ELMO1: variants seen among roughly 807,000 people sequenced by gnomAD.
The protein encoded by ELMO1 is engulfment and cell motility protein 1.
In ELMO1, 26 loss-of-function variants were observed where a neutral mutation model predicts 98.9. The ratio of observed to expected loss-of-function variants is 0.26; its 90% CI spans 0.19 to 0.36. The LOEUF (loss-of-function observed/expected upper bound fraction) is 0.36. ELMO1 is among the 10% of genes least tolerant of loss of function. ELMO1 has a pLI of 1.00. For synonymous variants in ELMO1, 346 were observed against 346.0 expected (o/e 1.00, Z 0.00); for missense variants, 627 against 935.2 (o/e 0.67, Z 4.30).
intron 6 of ELMO1, among the ~76,000 whole-genome samples, chr7:37,255,189 C>T (rs1035309016): frequency 6.6e-6 from 1 of 152,134 alleles, no homozygotes; most frequent in East Asian, 1.9e-4. Flanking sequence ...TAAGCCCTCT[C>T]AAGAGATGAT....
chr7:36,870,591 T>G lies in ELMO1; in HGVS notation c.1823-116A>C. On this transcript the variant is annotated intron_variant, in intron 19 of 21. Coordinates refer to ENST00000310758, the MANE Select transcript of ELMO1 (RefSeq NM_014800.11). The surrounding 1 kb of genome is among the most constrained non-coding windows in gnomAD (Gnocchi z 4.4). Reference sequence around the variant, plus strand: ...TGTGGTTACCATTCCCAGAAACTACTGCAAAAAGAAGAGTGTTGAAAAGAG... The same window carrying G: ...TGTGGTTACCATTCCCAGAAACTACGGCAAAAAGAAGAGTGTTGAAAAGAG... The G allele has an allele frequency of 1.1e-6, 1 of 946,972 alleles. No homozygotes were observed. The highest frequency in any genetic ancestry group is 1.7e-5 in the South Asian group (1 of 57,436). 58.7% of individuals were successfully genotyped at this position (946,972 alleles called of 1,614,324 possible).
At chr7:37,121,374 CA>C (rs2129288202) in intron 14 of ELMO1, among the ~76,000 whole-genome samples, 1 of 152,012 alleles carries the variant, frequency 6.6e-6, no homozygotes, top group African/African-American at 2.4e-5. Flanking sequence ...TTAAAAACCT[CA>C]AAAAAAGATT....
At chr7:37,180,737 T>A (rs1201816799) in intron 13 of ELMO1, among the ~76,000 whole-genome samples, 1 of 152,120 alleles carries the variant, frequency 6.6e-6, no homozygotes, top group African/African-American at 2.4e-5. Context: ...GTCTCCAGCA[T>A]GCTCTAAAGT....
At position 37,306,983 on chromosome 7, in the gene ELMO1, C is replaced by A. The variant is rs1200748810; in HGVS notation, c.192+7867G>T. 2.0e-5 allele frequency among the ~76,000 whole-genome samples: 3 copies of A among 152,170 alleles called. No individual in the cohort carries two copies. In the South Asian group the frequency reaches 6.2e-4, roughly 32 times the overall value. Reference sequence around the variant, plus strand: ...CTTCACACAGGACCCCTTCTAATTACCCCAATGACTGGAATTGTTATCAAC... The same window carrying A: ...CTTCACACAGGACCCCTTCTAATTAACCCAATGACTGGAATTGTTATCAAC... On this transcript the variant is annotated intron_variant, in intron 4 of 21. Coordinates refer to ENST00000310758, the MANE Select transcript of ELMO1 (RefSeq NM_014800.11).
At position 36,854,442 on chromosome 7, in the gene ELMO1, A is replaced by G. The variant is rs151324900; in HGVS notation, c.*1109T>C. ...ATGTTTGGGATTAAAATAATTAAAA[A>G]AAAACTGGAAATTCACACATTTATG... On this transcript the variant is annotated 3_prime_UTR_variant, in exon 22 of 22. Coordinates refer to ENST00000310758, the MANE Select transcript of ELMO1 (RefSeq NM_014800.11). 3.1e-3 allele frequency: 469 copies of G among 152,734 alleles called. 2 individuals carry two copies. Among genetic ancestry groups the G allele is most frequent in the Admixed American group, 8.6e-3 (131 of 15,298 alleles). 9.5% of individuals were successfully genotyped at this position (152,734 alleles called of 1,614,324 possible).
chr7:37,434,356 A>C (rs1034024881), intron 1 of ELMO1, among the ~76,000 whole-genome samples: 4 of 152,228 alleles, frequency 2.6e-5, no homozygotes, highest in African/African-American at 9.6e-5. Context: ...GTGATTCTTA[A>C]GCATTCTGAA....
intron 14 of ELMO1, among the ~76,000 whole-genome samples, chr7:37,132,665 G>A (rs912835079): frequency 1.3e-5 from 2 of 152,104 alleles, no homozygotes; most frequent in Non-Finnish European, 2.9e-5. Flanking sequence ...ATCTACCTTC[G>A]TGACTAGAAT....
intron 13 of ELMO1, among the ~76,000 whole-genome samples, chr7:37,188,409 TACACACACAC>T (rs566236838): frequency 0.049 from 5,716 of 115,716 alleles, 163 homozygotes; most frequent in East Asian, 0.11. Context: ...TGCTTCTTGT[TACACACACAC>T]ACACACACAC....
chr7:36,887,581 G>C lies in ELMO1; in HGVS notation c.1693C>G (p.Leu565Val), dbSNP rs568773042. The change falls in exon 18 of 22, where the codon CTC becomes GTC. Residue 565 changes from leucine (L) to valine (V), a missense_variant. This residue lies in a region of ELMO1 where 492 missense variants were observed against 715.6 expected (regional missense o/e 0.69). Transcript: ENST00000310758. ...RLVEGTCFRK[L>V]NARRRQDKFW... is the part of the protein sequence containing the mutation. ...ATACCTTGCCTCCGCCGGGCATTGA[G>C]TTTCCTAAAGCAGGTCCCTTCCACA... 1.2e-6 allele frequency: 2 copies of C among 1,614,100 alleles called. No homozygotes were observed. Among genetic ancestry groups the C allele is most frequent in the African/African-American group, 2.7e-5 (2 of 75,050 alleles).
intron 4 of ELMO1, among the ~76,000 whole-genome samples, chr7:37,285,786 C>T (rs904808895): frequency 2.0e-5 from 3 of 152,160 alleles, no homozygotes; most frequent in African/African-American, 7.2e-5. Flanking sequence ...TGGTTTTGCA[C>T]AGAAGGGACC....
chr7:37,259,147 G>T, intron 6 of ELMO1, 34 bp downstream of exon 6: 2 of 1,588,584 alleles, frequency 1.3e-6, no homozygotes. Flanking sequence ...AGACACGCAG[G>T]ACAGCTGTGG....
rs954720687 is a variant in ELMO1, at chr7:37,383,940, T to C, written c.-73-41177A>G. On this transcript the variant is annotated intron_variant, in intron 1 of 21. Coordinates refer to ENST00000310758, the MANE Select transcript of ELMO1 (RefSeq NM_014800.11). ...ATGCCATTCTCCTGCCTCAGCCTCC[T>C]GAGTAGCTGGGACTACAAGCGCCCG... 4.6e-5 allele frequency among the ~76,000 whole-genome samples: 7 copies of C among 152,116 alleles called. No homozygotes were observed. The East Asian group carries it at 7.7e-4, about 17-fold the overall frequency.
At chr7:37,268,945 C>T (rs531908176) in intron 5 of ELMO1, among the ~76,000 whole-genome samples, 20 of 152,302 alleles carry the variant, frequency 1.3e-4, no homozygotes, top group Non-Finnish European at 1.8e-4. Context: ...TGTGTGCACG[C>T]GCAGGCGTGT....
At chr7:36,935,486 T>C (rs1382211817) in intron 16 of ELMO1, among the ~76,000 whole-genome samples, 6 of 152,202 alleles carry the variant, frequency 3.9e-5, no homozygotes, top group Non-Finnish European at 7.3e-5. Flanking sequence ...CATCCTTATC[T>C]GATGATGCAA....
rs181909755 is a variant in ELMO1, at chr7:37,246,815, T to A, written c.414-2424A>T. ...AAACAGACAGATAGATAGATAGATA[T>A]CTATCTATATATATATCTGTATATA... On this transcript the variant is annotated intron_variant, in intron 6 of 21. Coordinates refer to ENST00000310758, the MANE Select transcript of ELMO1 (RefSeq NM_014800.11). 2.0e-4 allele frequency among the ~76,000 whole-genome samples: 29 copies of A among 146,794 alleles called. No individual in the cohort carries two copies. In the East Asian group the frequency reaches 5.0e-3, roughly 25 times the overall value.
At chr7:37,154,698 G>T (rs545927831) in intron 13 of ELMO1, among the ~76,000 whole-genome samples, 2 of 152,324 alleles carry the variant, frequency 1.3e-5, no homozygotes, top group Admixed American at 1.3e-4. Context: ...TAGTGCACCT[G>T]CAAATGACGG....
chr7:37,254,072 C>G lies in ELMO1; in HGVS notation c.413+5109G>C, dbSNP rs147307701. Among the ~76,000 whole-genome samples, 1,496 of 152,266 alleles carry G rather than the reference C, an allele frequency of 9.8e-3. 32 individuals are homozygous for G. The highest frequency in any genetic ancestry group is 0.035 in the African/African-American group (1,436 of 41,538). On this transcript the variant is annotated intron_variant, in intron 6 of 21. Coordinates refer to ENST00000310758, the MANE Select transcript of ELMO1 (RefSeq NM_014800.11). ...TTCCTTTTTAATCTTAGCGAAAGAT[C>G]TGAAAAATTTGCTGTTTATTAAATA...
chr7:37,331,624 A>T (rs1291910133), intron 2 of ELMO1, among the ~76,000 whole-genome samples: 1 of 151,974 alleles, frequency 6.6e-6, no homozygotes, highest in Non-Finnish European at 1.5e-5. Context: ...CTTTGAGGAT[A>T]CTCAACACAC....
At chr7:37,016,979 T>C (rs1230395326) in intron 15 of ELMO1, among the ~76,000 whole-genome samples, 1 of 152,198 alleles carries the variant, frequency 6.6e-6, no homozygotes, top group African/African-American at 2.4e-5. Flanking sequence ...ACAATTGTTT[T>C]TCTATCCACA....
Sources: gnomAD v4.1 joint callset for allele counts (sites outside exome capture counted in the v4.1 genomes callset) on GRCh38, gnomAD v4.1.1 for gene constraint, gnomAD v4.1.1 regional missense constraint, Gnocchi (gnomAD v3.1) non-coding constraint, MANE v1.5 for transcripts, NCBI Gene and HGNC (gene_info 2026-07-23, HGNC 2026-07-21) for gene names.